PXDNL: variants seen among roughly 807,000 people sequenced by gnomAD.
The protein encoded by PXDNL is probable oxidoreductase PXDNL.
PXDNL carries 145 observed loss-of-function variants against 150.8 expected under a neutral mutation model. The ratio of observed to expected loss-of-function variants is 0.96; its 90% CI spans 0.84 to 1.10. PXDNL has a LOEUF of 1.10. Among genes scored for constraint, PXDNL ranks in the 50% least tolerant of loss-of-function variants. PXDNL has a pLI of 0.00. For synonymous variants in PXDNL, 757 were observed against 725.7 expected, an observed-to-expected ratio of 1.04 and a Z score of -0.69; for missense variants, 2,087 against 1,873.9, an observed-to-expected ratio of 1.11 and a Z score of -2.10.
chr8:51,532,307 C>G (rs1281999807), intron 4 of PXDNL, among the ~76,000 whole-genome samples: 1 of 150,438 alleles, frequency 6.6e-6, no homozygotes, highest in Non-Finnish European at 1.5e-5. Context: ...ACCCAGAACT[C>G]AAAAGCAAAA....
intron 17 of PXDNL, among the ~76,000 whole-genome samples, chr8:51,404,267 C>A (rs1310199666): frequency 6.6e-6 from 1 of 152,250 alleles, no homozygotes; most frequent in African/African-American, 2.4e-5. Context: ...TTGGCTCAGG[C>A]AGCCTGCTTT....
chr8:51,600,403 T>C (rs57730841), intron 2 of PXDNL, among the ~76,000 whole-genome samples: 2 of 131,824 alleles, frequency 1.5e-5, no homozygotes, highest in African/African-American at 2.8e-5. Context: ...AATTATATCT[T>C]ATATAAATTA....
chr8:51,664,687 A>G (rs924621470), intron 1 of PXDNL, among the ~76,000 whole-genome samples: 1 of 152,100 alleles, frequency 6.6e-6, no homozygotes, highest in African/African-American at 2.4e-5. Context: ...GGAGTCAGAC[A>G]CATCCTCCCA....
At chr8:51,378,731 G>A (rs1807435668) in intron 17 of PXDNL, among the ~76,000 whole-genome samples, 2 of 149,264 alleles carry the variant, frequency 1.3e-5, no homozygotes, top group South Asian at 4.1e-4. Context: ...GACAGGACGG[G>A]AGGAACGAAC....
rs140662662 is a variant in PXDNL at position 51,808,016 on chromosome 8, C to T, written c.164+1165G>A. Among the ~76,000 whole-genome samples the T allele has an allele frequency of 2.9e-3, 435 of 152,296 alleles. 2 individuals are homozygous for T. Among genetic ancestry groups the T allele is most frequent in the Non-Finnish European group, 5.1e-3 (347 of 68,024 alleles). Reference sequence around the variant, plus strand: ...ACAGTAAGACGTATTTTGATATCTGCATGCATATAAAATTAATGAAATGCT... The same window carrying T: ...ACAGTAAGACGTATTTTGATATCTGTATGCATATAAAATTAATGAAATGCT... On this transcript the variant is annotated intron_variant, in intron 1 of 22. Transcript: ENST00000356297.
At chr8:51,489,282 C>T (rs1012330270) in intron 5 of PXDNL, among the ~76,000 whole-genome samples, 12 of 152,050 alleles carry the variant, frequency 7.9e-5, no homozygotes, top group Non-Finnish European at 1.6e-4. Context: ...AAGTCTCATT[C>T]CTTGATGTAA....
chr8:51,735,831 C>T (rs967543154), intron 1 of PXDNL, among the ~76,000 whole-genome samples: 1 of 151,992 alleles, frequency 6.6e-6, no homozygotes, highest in African/African-American at 2.4e-5. Flanking sequence ...CAGGCGTGAG[C>T]CACCGCGCCC....
At chr8:51,598,275 T>C (rs1232225715) in intron 2 of PXDNL, among the ~76,000 whole-genome samples, 1 of 152,172 alleles carries the variant, frequency 6.6e-6, no homozygotes, top group Non-Finnish European at 1.5e-5. Flanking sequence ...GTATTTTGAA[T>C]AGGAATGATG....
chr8:51,686,670 C>A (rs1429604675), intron 1 of PXDNL, among the ~76,000 whole-genome samples: 1 of 152,044 alleles, frequency 6.6e-6, no homozygotes, highest in Non-Finnish European at 1.5e-5. Context: ...ATATCAAAAT[C>A]TTTTCCAAAT....
At chr8:51,643,656 C>G (rs934513070) in intron 2 of PXDNL, among the ~76,000 whole-genome samples, 8 of 152,124 alleles carry the variant, frequency 5.3e-5, no homozygotes, top group African/African-American at 1.4e-4. Context: ...GTCTAAAACA[C>G]CAAAAGCAAT....
In PXDNL at chr8:51,352,476, T is replaced by A. The variant is rs1229360663; in HGVS notation, c.3902-6529A>T. On this transcript the variant is annotated intron_variant, in intron 19 of 22. Transcript: ENST00000356297. Reference sequence around the variant, plus strand: ...AGGGAGGGACCTGGTGGGAGGTGATTGGACCATGAGGGTGGTTTCCCCCAT... The same window carrying A: ...AGGGAGGGACCTGGTGGGAGGTGATAGGACCATGAGGGTGGTTTCCCCCAT... Among the ~76,000 whole-genome samples the A allele has an allele frequency of 2.0e-5, 3 of 152,136 alleles. No individual in the cohort carries two copies. In the East Asian group the frequency reaches 5.8e-4, roughly 29 times the overall value.
chr8:51,635,610 T>G (rs1814589162), intron 2 of PXDNL, among the ~76,000 whole-genome samples: 1 of 151,848 alleles, frequency 6.6e-6, no homozygotes, highest in African/African-American at 2.4e-5. Flanking sequence ...CTAAATAAAA[T>G]AGAGAAATTA....
chr8:51,342,396 G>T (rs1428501377), intron 20 of PXDNL, among the ~76,000 whole-genome samples: 2 of 151,892 alleles, frequency 1.3e-5, no homozygotes, highest in Non-Finnish European at 2.9e-5. Context: ...GGTAGCACAT[G>T]TTATTTTAGA....
chr8:51,363,709 CTTCT>C (rs1161628066), intron 19 of PXDNL, among the ~76,000 whole-genome samples: 1 of 152,026 alleles, frequency 6.6e-6, no homozygotes, highest in East Asian at 1.9e-4. Context: ...GTTTTTACTT[CTTCT>C]TTCTTTGGAG....
chr8:51,558,425 G>A (rs1333820673), intron 3 of PXDNL, among the ~76,000 whole-genome samples: 1 of 152,036 alleles, frequency 6.6e-6, no homozygotes, highest in Non-Finnish European at 1.5e-5. Context: ...AAGGCCCTTA[G>A]ACTATTAGAA....
chr8:51,759,667 T>C (rs1372620285), intron 1 of PXDNL, among the ~76,000 whole-genome samples: 2 of 152,246 alleles, frequency 1.3e-5, no homozygotes, highest in Non-Finnish European at 2.9e-5. Context: ...AGAGCTGTGC[T>C]GCAAGAAACT....
intron 3 of PXDNL, among the ~76,000 whole-genome samples, chr8:51,571,816 G>C (rs536789246): frequency 6.6e-6 from 1 of 151,876 alleles, no homozygotes; most frequent in East Asian, 1.9e-4. Context: ...AAAATTCAAT[G>C]AGGCACTTAT....
chr8:51,405,550 A>C (rs959831086), intron 17 of PXDNL, among the ~76,000 whole-genome samples: 1 of 152,220 alleles, frequency 6.6e-6, no homozygotes, highest in African/African-American at 2.4e-5. Context: ...TAATACAAAA[A>C]GGAAAAGAAG....
chr8:51,706,937 G>A (rs16916754), intron 1 of PXDNL, among the ~76,000 whole-genome samples: 11,999 of 82,064 alleles, frequency 0.15, 697 homozygotes, highest in African/African-American at 0.33. Flanking sequence ...GGGGTCTCTG[G>A]GTTTTCAGCA....
Sources: gnomAD v4.1 joint callset for allele counts (sites outside exome capture counted in the v4.1 genomes callset) on GRCh38, gnomAD v4.1.1 for gene constraint, MANE v1.5 for transcripts, NCBI Gene and HGNC (gene_info 2026-07-23, HGNC 2026-07-21) for gene names.